The following QRICH1 variants were observed in gnomAD, a reference collection of about 807,000 sequenced individuals.
The protein encoded by QRICH1 is glutamine rich 1.
QRICH1 carries 16 observed loss-of-function variants against 87.1 expected under a neutral mutation model. That is an observed-to-expected ratio of 0.18 (90% confidence interval 0.12 to 0.28). The LOEUF (loss-of-function observed/expected upper bound fraction) is 0.28, where lower values mean the gene tolerates loss of function less well. Among genes scored for constraint, QRICH1 ranks in the 10% least tolerant of loss-of-function variants. The pLI, the probability that QRICH1 is intolerant of heterozygous loss-of-function variation, is 1.00. For synonymous variants in QRICH1, 367 were observed against 368.4 expected (o/e 1.00, Z 0.05); for missense variants, 647 against 951.7 (o/e 0.68, Z 4.21).
chr3:49,073,521 C>T (rs1022706654), intron 2 of QRICH1, among the ~76,000 whole-genome samples: 3 of 149,916 alleles, frequency 2.0e-5, no homozygotes, highest in African/African-American at 7.4e-5. Context: ...GCCTGGGTGA[C>T]ACAGTGGGAC....
At chr3:49,084,735 G>C (rs942788431) in intron 1 of QRICH1, among the ~76,000 whole-genome samples, 3 of 152,144 alleles carry the variant, frequency 2.0e-5, no homozygotes, top group Non-Finnish European at 2.9e-5. Flanking sequence ...CTGCACTTCA[G>C]CCTGGGGAAA....
intron 1 of QRICH1, chr3:49,092,580 T>C (rs565920231): frequency 6.6e-6 from 1 of 152,288 alleles, no homozygotes; most frequent in East Asian, 1.9e-4. Flanking sequence ...TCAAATTTGA[T>C]GGCTAATTTT....
In QRICH1 at chr3:49,030,354, A is replaced by T. The variant is rs1559919878; in HGVS notation, c.*98T>A. The T allele has an allele frequency of 3.3e-6, 4 of 1,222,764 alleles. No individual in the cohort carries two copies. In the Admixed American group the frequency reaches 7.9e-5, roughly 24 times the overall value. 75.7% of individuals were successfully genotyped at this position (1,222,764 alleles called of 1,614,324 possible). A position where few individuals can be genotyped will look rare whatever the true frequency, so the allele number is the denominator to read the frequency against. ...CCTGAAAGGCTTCGTAACTACACCAATAAAAAAAAGAAAAAAAAAAATGGA... is the reference window on the plus strand; with the variant it reads ...CCTGAAAGGCTTCGTAACTACACCATTAAAAAAAAGAAAAAAAAAAATGGA... On this transcript the variant is annotated 3_prime_UTR_variant, in exon 10 of 10. Transcript: ENST00000395443.
At chr3:49,034,486 T>C (rs997560929) in intron 6 of QRICH1, among the ~76,000 whole-genome samples, 2 of 151,388 alleles carry the variant, frequency 1.3e-5, no homozygotes, top group Non-Finnish European at 2.9e-5. Context: ...TTTCGCTCTG[T>C]CACCCAAGCT....
chr3:49,082,102 C>T (rs1046968269), intron 1 of QRICH1, among the ~76,000 whole-genome samples: 2 of 152,040 alleles, frequency 1.3e-5, no homozygotes. Context: ...CCCCCATACC[C>T]GGCTAATTTT....
chr3:49,090,871 G>A (rs1333199163), intron 1 of QRICH1, among the ~76,000 whole-genome samples: 3 of 152,194 alleles, frequency 2.0e-5, no homozygotes, highest in Non-Finnish European at 4.4e-5. Flanking sequence ...TTTAAGTGAA[G>A]TCTGAAGAGG....
chr3:49,078,761 G>A (rs866667874), intron 1 of QRICH1, among the ~76,000 whole-genome samples: 5 of 133,232 alleles, frequency 3.8e-5, no homozygotes, highest in African/African-American at 1.4e-4. Flanking sequence ...GCAGTGGCAC[G>A]ATCTCGGCTC....
At position 49,074,055 on chromosome 3, in the gene QRICH1, T is replaced by C. The variant is rs539775757; in HGVS notation, c.309+2654A>G. ...CCTTGGCATCCCAAAGTGCTGGGAT[T>C]ACAGGCATTCACAAATGCACTTAGC... On this transcript the variant is annotated intron_variant, in intron 2 of 9. Transcript: ENST00000395443. 4.2e-4 allele frequency among the ~76,000 whole-genome samples: 64 copies of C among 152,212 alleles called. 1 individual carries two copies. Among genetic ancestry groups the C allele is most frequent in the Middle Eastern group, 6.8e-3 (2 of 294 alleles).
At chr3:49,059,959 A>G (rs955063417) in intron 2 of QRICH1, among the ~76,000 whole-genome samples, 1 of 147,868 alleles carries the variant, frequency 6.8e-6, no homozygotes, top group Non-Finnish European at 1.5e-5. Flanking sequence ...ATCTCGGCTC[A>G]CTACAACCTC....
rs540477204 is a variant in QRICH1 at position 49,059,422 on chromosome 3, A to G, written c.310-1532T>C. On this transcript the variant is annotated intron_variant, in intron 2 of 9. Coordinates refer to ENST00000395443, the MANE Select transcript of QRICH1 (RefSeq NM_198880.3). Reference sequence around the variant, plus strand: ...AGGAACACCACCACCACACCCAGCTAATTTTTTTTTTTTTTTTTTAGACAG... The same window carrying G: ...AGGAACACCACCACCACACCCAGCTGATTTTTTTTTTTTTTTTTTAGACAG... Among the ~76,000 whole-genome samples, 521 of 147,648 alleles carry G rather than the reference A, an allele frequency of 3.5e-3. 5 individuals carry two copies. Among genetic ancestry groups the G allele is most frequent in the Non-Finnish European group, 5.1e-3 (342 of 66,696 alleles).
intron 1 of QRICH1, among the ~76,000 whole-genome samples, chr3:49,080,485 AAAC>A (rs909370285): frequency 3.9e-5 from 6 of 152,114 alleles, no homozygotes; most frequent in South Asian, 2.1e-4. Flanking sequence ...AACAAAACAA[AAAC>A]AACAACAAAA....
At chr3:49,055,317 A>G (rs1459843980) in intron 3 of QRICH1, among the ~76,000 whole-genome samples, 1 of 152,180 alleles carries the variant, frequency 6.6e-6, no homozygotes, top group Non-Finnish European at 1.5e-5. Flanking sequence ...CCACCGAGGC[A>G]TAGCACCTTC....
At position 49,094,001 on chromosome 3, in the gene QRICH1, C is replaced by T. The variant is rs1349283931; in HGVS notation, c.-111G>A. 2.5e-5 allele frequency: 10 copies of T among 399,406 alleles called. No individual in the cohort carries two copies. Among genetic ancestry groups the T allele is most frequent in the South Asian group, 1.2e-4 (1 of 8,014 alleles). 24.7% of individuals were successfully genotyped at this position (399,406 alleles called of 1,614,324 possible). A position where few individuals can be genotyped will look rare whatever the true frequency, so the allele number is the denominator to read the frequency against. On this transcript the variant is annotated 5_prime_UTR_variant, in exon 1 of 10. Transcript: ENST00000395443. ...AGGGACCCTGGTTCTGCCGTCGTCG[C>T]TCCAAGACCGACAGGGTTTTCTCCT... is the stretch of plus-strand genomic sequence containing the variant.
chr3:49,031,165 T>C (rs1300947089), intron 9 of QRICH1, among the ~76,000 whole-genome samples: 1 of 152,064 alleles, frequency 6.6e-6, no homozygotes, highest in Non-Finnish European at 1.5e-5. Context: ...TTTTGTATTT[T>C]TTAGTAGAGA....
intron 1 of QRICH1, chr3:49,083,430 T>G (rs527306098): frequency 2.0e-5 from 3 of 151,654 alleles, no homozygotes; most frequent in African/African-American, 4.8e-5. Flanking sequence ...CCACCCCAGG[T>G]TGGAAATGGG....
chr3:49,075,494 G>C (rs2041933931), intron 2 of QRICH1, among the ~76,000 whole-genome samples: 1 of 152,148 alleles, frequency 6.6e-6, no homozygotes, highest in Non-Finnish European at 1.5e-5. Context: ...AGCCGGGCGT[G>C]GTAGCACATG....
rs1007251798 is a variant in QRICH1 at position 49,030,524 on chromosome 3, C to A, written c.2259G>T (p.Met753Ile). Residue 753 changes from methionine to isoleucine, a missense_variant, in exon 10 of 10, where the codon ATG (methionine) becomes ATT (isoleucine). This residue lies in a region of QRICH1 where 56 missense variants were observed against 79.4 expected (regional missense o/e 0.71). Coordinates refer to ENST00000395443, the MANE Select transcript of QRICH1 (RefSeq NM_198880.3). ...QPISREQMGQ[M>I]LTRILVIREI... ...CTCTTATCACCAGGATCCGCGTCAGCATTTGTCCCATCTGCTCTCTGCTGA... is the reference window on the plus strand; with the variant it reads ...CTCTTATCACCAGGATCCGCGTCAGAATTTGTCCCATCTGCTCTCTGCTGA... 6.2e-7 allele frequency: 1 copy of A among 1,614,138 alleles called. No homozygotes were observed.
chr3:49,057,056 A>T lies in QRICH1; in HGVS notation c.1144T>A (p.Ser382Thr). The T allele has an allele frequency of 1.2e-6, 2 of 1,614,160 alleles. No homozygotes were observed. The highest frequency in any genetic ancestry group is 1.1e-5 in the South Asian group (1 of 91,080). The change falls in exon 3 of 10, where the codon TCT (serine) becomes ACT (threonine). Residue 382 changes from serine (S) to threonine (T), a missense_variant. Around this residue, in one of 7 missense-constraint regions of QRICH1, gnomAD observed 115 missense variants for 126.8 expected, o/e 0.91. Coordinates refer to ENST00000395443, the MANE Select transcript of QRICH1 (RefSeq NM_198880.3). This position sits in a 1 kb window ranked among gnomAD's most constrained non-coding sequence, Gnocchi z 5.4. ...HEEVVQTLAN[S>T]LFPAQFMNGN... The stretch of plus-strand genomic sequence containing the variant: ...TTCATGAACTGTGCTGGAAAGAGAG[A>T]GTTTGCAAGGGTCTGCACTACCTCT...
At chr3:49,073,932 T>C (rs1474253606) in intron 2 of QRICH1, among the ~76,000 whole-genome samples, 1 of 151,890 alleles carries the variant, frequency 6.6e-6, no homozygotes, top group Non-Finnish European at 1.5e-5. Flanking sequence ...TACAAGTACA[T>C]ACCATCCCTG....
Sources: gnomAD v4.1 joint callset for allele counts (sites outside exome capture counted in the v4.1 genomes callset) on GRCh38, gnomAD v4.1.1 for gene constraint, gnomAD v4.1.1 regional missense constraint, Gnocchi (gnomAD v3.1) non-coding constraint, MANE v1.5 for transcripts, NCBI Gene and HGNC (gene_info 2026-07-23, HGNC 2026-07-21) for gene names.